OSTM1: variants seen among roughly 807,000 people sequenced by gnomAD.
OSTM1 encodes the protein osteoclastogenesis associated transmembrane protein 1, also known as osteopetrosis-associated transmembrane protein 1.
In OSTM1, 26 loss-of-function variants were observed where a neutral mutation model predicts 35.4. The ratio of observed to expected loss-of-function variants is 0.73; its 90% CI spans 0.54 to 1.02. OSTM1 has a LOEUF of 1.02. OSTM1 is among the 50% of genes least tolerant of loss of function. The pLI is 0.00. For synonymous variants in OSTM1, 181 were observed against 165.0 expected (o/e 1.10, Z -0.75); for missense variants, 366 against 409.6 (o/e 0.89, Z 0.92).
chr6:108,060,798 G>A (rs573197183), intron 2 of OSTM1: 1 of 152,296 alleles, frequency 6.6e-6, no homozygotes, highest in Non-Finnish European at 1.5e-5. Context: ...AGTCACATCT[G>A]TCAAAAGAAG....
In OSTM1 at chr6:108,049,349, C is replaced by T. The variant is rs771844077; in HGVS notation, c.853G>A (p.Val285Ile). 8 of 1,612,980 alleles carry T rather than the reference C, an allele frequency of 5.0e-6. No homozygotes were observed. In the South Asian group the frequency reaches 6.6e-5, roughly 13 times the overall value. The change falls in exon 5 of 6, where the codon GTA (valine) becomes ATA (isoleucine). Residue 285 changes from valine to isoleucine, a missense_variant. Around this residue, in one of 3 missense-constraint regions of OSTM1, gnomAD observed 125 missense variants for 151.7 expected, o/e 0.82. Coordinates refer to ENST00000193322, the MANE Select transcript of OSTM1 (RefSeq NM_014028.4). ...AGAATGAACACAGAAACAGCAATTA[C>T]AGGCACTGTGTCACTGCAAGGGACT... ...CSVPCSDTVP[V>I]IAVSVFILFL... is the part of the protein sequence containing the mutation.
intron 5 of OSTM1, among the ~76,000 whole-genome samples, chr6:108,045,599 C>CA (rs1295966908): frequency 6.6e-6 from 1 of 151,730 alleles, no homozygotes; most frequent in African/African-American, 2.4e-5. Context: ...TAATGATCCT[C>CA]AAAGAAAAGT....
intron 2 of OSTM1, among the ~76,000 whole-genome samples, chr6:108,062,535 C>CTTTTTTTTTTTTTTTTT (rs780041339): frequency 4.6e-5 from 6 of 131,074 alleles, no homozygotes; most frequent in East Asian, 2.2e-4. Flanking sequence ...CTTTTCTTTT[C>CTTTTTTTTTTTTTTTTT]TTTTTTTTTT....
At chr6:108,055,990 C>T (rs1772163762) in intron 2 of OSTM1, among the ~76,000 whole-genome samples, 2 of 152,102 alleles carry the variant, frequency 1.3e-5, no homozygotes, top group Admixed American at 1.3e-4. Flanking sequence ...ACATGCAAAG[C>T]TATTGCAATT....
At position 108,051,048 on chromosome 6, in the gene OSTM1, T is replaced by C. The variant is rs1772065730; in HGVS notation, c.766A>G (p.Ile256Val). 6.2e-7 allele frequency: 1 copy of C among 1,613,518 alleles called. No homozygotes were observed. Among genetic ancestry groups the C allele is most frequent in the Non-Finnish European group, 8.5e-7 (1 of 1,179,588 alleles). ...GTACTTACTGCATCTTCCACATCAATGCATAAATGTGTTCCAGGTTCAGCC... is the reference window on the plus strand; with the variant it reads ...GTACTTACTGCATCTTCCACATCAACGCATAAATGTGTTCCAGGTTCAGCC... ...NKAEPGTHLC[I>V]DVEDAMNITR... Residue 256 changes from isoleucine to valine, a missense_variant, in exon 4 of 6, where the codon ATT becomes GTT. Around this residue, in one of 3 missense-constraint regions of OSTM1, gnomAD observed 125 missense variants for 151.7 expected, o/e 0.82. Coordinates refer to ENST00000193322, the MANE Select transcript of OSTM1 (RefSeq NM_014028.4).
rs1402215284 is a variant in OSTM1 at position 108,041,781 on chromosome 6, C to T, written c.*3004G>A. 3 of 152,064 alleles carry T rather than the reference C, an allele frequency of 2.0e-5. No homozygotes were observed. Among genetic ancestry groups the T allele is most frequent in the Non-Finnish European group, 2.9e-5 (2 of 68,022 alleles). 9.4% of individuals were successfully genotyped at this position (152,064 alleles called of 1,614,324 possible). A position where few individuals can be genotyped will look rare whatever the true frequency, so the allele number is the denominator to read the frequency against. On this transcript the variant is annotated 3_prime_UTR_variant, in exon 6 of 6. Transcript: ENST00000193322. ...AAGTGACATACTTTTTAGAAGAATC[C>T]ATGCAGTGGACAGAAAGTCAGATTA...
At chr6:108,053,126 C>T (rs185111785) in intron 3 of OSTM1, among the ~76,000 whole-genome samples, 4 of 152,300 alleles carry the variant, frequency 2.6e-5, no homozygotes, top group Admixed American at 2.0e-4. Flanking sequence ...AGATAATTTT[C>T]TCTAGTGTCT....
At position 108,051,213 on chromosome 6, in the gene OSTM1, G is replaced by A; in HGVS notation, c.616-15C>T. 6.3e-7 allele frequency: 1 copy of A among 1,581,612 alleles called. No individual in the cohort carries two copies. The highest frequency in any genetic ancestry group is 8.7e-7 in the Non-Finnish European group (1 of 1,151,304). ...TGTGCATTCCCCTAAAATGACAAAGGCACATGTAATATATACAATAAACAT... is the reference window on the plus strand; with the variant it reads ...TGTGCATTCCCCTAAAATGACAAAGACACATGTAATATATACAATAAACAT... On this transcript the variant is annotated splice_polypyrimidine_tract_variant and intron_variant, in intron 3 of 5. Coordinates refer to ENST00000193322, the MANE Select transcript of OSTM1 (RefSeq NM_014028.4).
At chr6:108,052,849 C>T (rs1321246255) in intron 3 of OSTM1, among the ~76,000 whole-genome samples, 2 of 152,152 alleles carry the variant, frequency 1.3e-5, no homozygotes, top group South Asian at 4.1e-4. Flanking sequence ...TTTATCACTG[C>T]CATTCTTTAG....
chr6:108,064,115 C>A (rs1772336820), intron 2 of OSTM1, 70 bp downstream of exon 2: 1 of 831,088 alleles, frequency 1.2e-6, no homozygotes, highest in Non-Finnish European at 2.1e-6. Flanking sequence ...TCCCAAAATT[C>A]ACTAAAATAA....
At chr6:108,054,883 C>G (rs981666468) in intron 2 of OSTM1, among the ~76,000 whole-genome samples, 1 of 152,188 alleles carries the variant, frequency 6.6e-6, no homozygotes, top group African/African-American at 2.4e-5. Flanking sequence ...TATCAGCTAT[C>G]AAATGCTGCC....
chr6:108,049,682 T>G (rs781077786), intron 4 of OSTM1: 1 of 504,492 alleles, frequency 2.0e-6, no homozygotes, highest in Non-Finnish European at 3.1e-6. Context: ...ATGTCAACCA[T>G]TTGTACATTC....
At chr6:108,067,998 C>A (rs1772410905) in intron 1 of OSTM1, among the ~76,000 whole-genome samples, 1 of 152,054 alleles carries the variant, frequency 6.6e-6, no homozygotes, top group African/African-American at 2.4e-5. Context: ...CCTGTTCAAC[C>A]CACTCTGATC....
chr6:108,045,581 A>C (rs1485702468), intron 5 of OSTM1, among the ~76,000 whole-genome samples: 1 of 152,130 alleles, frequency 6.6e-6, no homozygotes, highest in Non-Finnish European at 1.5e-5. Context: ...ATTGTAAAAA[A>C]AAAATTTTAA....
In OSTM1 at chr6:108,041,615, A is replaced by G. The variant is rs1374515744; in HGVS notation, c.*3170T>C. 6.6e-6 allele frequency: 1 copy of G among 152,230 alleles called. No individual in the cohort carries two copies. Among genetic ancestry groups the G allele is most frequent in the Non-Finnish European group, 1.5e-5 (1 of 68,036 alleles). The allele number at this position is 152,230 out of a possible 1,614,324, so 9.4% of individuals were successfully genotyped here. ...AAATAACCAATACTATCATTTTATG[A>G]AATCTTTACAAGATAAGCACAGTAG... On this transcript the variant is annotated 3_prime_UTR_variant, in exon 6 of 6. Coordinates refer to ENST00000193322, the MANE Select transcript of OSTM1 (RefSeq NM_014028.4).
In OSTM1 at chr6:108,063,988, T is replaced by C. The variant is rs548650552; in HGVS notation, c.517+197A>G. On this transcript the variant is annotated intron_variant, in intron 2 of 5. Transcript: ENST00000193322. Reference sequence around the variant, plus strand: ...CAAGTCTATCTAAATCCAAAGCTCATAGTAACTGCTACACTTTTCTGCCTT... The same window carrying C: ...CAAGTCTATCTAAATCCAAAGCTCACAGTAACTGCTACACTTTTCTGCCTT... 7.9e-5 allele frequency among the ~76,000 whole-genome samples: 12 copies of C among 152,336 alleles called. No homozygotes were observed. In the East Asian group the frequency reaches 1.5e-3, roughly 20 times the overall value.
chr6:108,073,361 C>T (rs1470856171), intron 1 of OSTM1, among the ~76,000 whole-genome samples: 2 of 152,182 alleles, frequency 1.3e-5, no homozygotes, highest in African/African-American at 2.4e-5. Context: ...TCCCACCAAC[C>T]CTGACACTCT....
At chr6:108,063,844 T>C (rs967121414) in intron 2 of OSTM1, among the ~76,000 whole-genome samples, 1 of 152,204 alleles carries the variant, frequency 6.6e-6, no homozygotes, top group Non-Finnish European at 1.5e-5. Flanking sequence ...TAAGATAGGT[T>C]CTATCATTAC....
intron 4 of OSTM1, among the ~76,000 whole-genome samples, chr6:108,050,039 T>A (rs1394106144): frequency 6.6e-6 from 1 of 152,204 alleles, no homozygotes; most frequent in African/African-American, 2.4e-5. Context: ...TAAAAAGGCA[T>A]GATTGCCATC....
Sources: gnomAD v4.1 joint callset for allele counts (sites outside exome capture counted in the v4.1 genomes callset) on GRCh38, gnomAD v4.1.1 for gene constraint, gnomAD v4.1.1 regional missense constraint, MANE v1.5 for transcripts, NCBI Gene and HGNC (gene_info 2026-07-23, HGNC 2026-07-21) for gene names.